The following MYH10 variants were observed in gnomAD, a reference collection of about 807,000 sequenced individuals.
The protein encoded by MYH10 is myosin heavy chain 10.
Under a neutral mutation model 257.8 loss-of-function variants are expected in MYH10, and 55 were observed. The ratio of observed to expected loss-of-function variants is 0.21; its 90% CI spans 0.17 to 0.27. The LOEUF is 0.27. MYH10 is among the 10% of genes least tolerant of loss of function. The pLI, the probability that MYH10 is intolerant of heterozygous loss-of-function variation, is 1.00. For missense variants in MYH10, 1,631 were observed against 2,500.6 expected, an observed-to-expected ratio of 0.65 and a Z score of 7.42; for synonymous variants, 854 against 921.7, an observed-to-expected ratio of 0.93 and a Z score of 1.33.
chr17:8,573,223 T>C (rs980575083), intron 6 of MYH10, among the ~76,000 whole-genome samples: 2 of 152,326 alleles, frequency 1.3e-5, no homozygotes, highest in African/African-American at 4.8e-5. Context: ...TGGTTAAAAA[T>C]ATATACCTCT....
At chr17:8,583,373 A>G (rs2083780334) in intron 4 of MYH10, among the ~76,000 whole-genome samples, 1 of 152,244 alleles carries the variant, frequency 6.6e-6, no homozygotes, top group South Asian at 2.1e-4. Flanking sequence ...GAGTCATTAG[A>G]AAAGCAAATT....
At chr17:8,476,837 A>C (rs1033460239) in intron 42 of MYH10, 39 bp downstream of exon 42, 11 of 1,584,526 alleles carry the variant, frequency 6.9e-6, no homozygotes, top group Non-Finnish European at 4.3e-6. Context: ...TAACCCACAA[A>C]GCAGCTGCCT....
intron 42 of MYH10, 82 bp downstream of exon 42, chr17:8,476,794 C>A: frequency 6.9e-7 from 1 of 1,455,486 alleles, no homozygotes; most frequent in Non-Finnish European, 9.2e-7. Flanking sequence ...TCTAAGTAAA[C>A]TTCCTCTGAC....
intron 4 of MYH10, among the ~76,000 whole-genome samples, chr17:8,580,280 GT>G (rs552734923): frequency 1.6e-4 from 23 of 141,810 alleles, no homozygotes; most frequent in African/African-American, 3.1e-4. Flanking sequence ...AGACGCTGAG[GT>G]TTTTTTTTTA....
chr17:8,609,900 T>C (rs1204702703), intron 2 of MYH10, among the ~76,000 whole-genome samples: 2 of 151,184 alleles, frequency 1.3e-5, no homozygotes, highest in African/African-American at 2.4e-5. Flanking sequence ...AAAAACACTC[T>C]GTAAAAAAAA....
chr17:8,497,608 G>A (rs887910599), intron 30 of MYH10, among the ~76,000 whole-genome samples: 4 of 151,716 alleles, frequency 2.6e-5, no homozygotes, highest in African/African-American at 7.3e-5. Flanking sequence ...GCATGGTGGC[G>A]GGTGCCTGTA....
chr17:8,551,793 C>A (rs2082650961), intron 9 of MYH10, among the ~76,000 whole-genome samples: 1 of 151,998 alleles, frequency 6.6e-6, no homozygotes, highest in Non-Finnish European at 1.5e-5. Flanking sequence ...CATCATTTGT[C>A]TTCTAATTTA....
rs184778007 is a variant in MYH10 at position 8,588,347 on chromosome 17, G to A, written c.530+734C>T. ...CAGCTCCACTTACATGAGCCATAGGGACCTCAAATGCAATGTGTCCTAAAC... is the reference window on the plus strand; with the variant it reads ...CAGCTCCACTTACATGAGCCATAGGAACCTCAAATGCAATGTGTCCTAAAC... On this transcript the variant is annotated intron_variant, in intron 4 of 42. Coordinates refer to ENST00000360416, the MANE Select transcript of MYH10 (RefSeq NM_001256012.3). 3.9e-5 allele frequency among the ~76,000 whole-genome samples: 6 copies of A among 152,196 alleles called. 1 individual carries two copies. In the East Asian group the frequency reaches 9.7e-4, roughly 24 times the overall value.
intron 1 of MYH10, among the ~76,000 whole-genome samples, chr17:8,626,105 C>T (rs1273227739): frequency 6.6e-6 from 1 of 152,154 alleles, no homozygotes; most frequent in Admixed American, 6.5e-5. Context: ...ACATTTTATA[C>T]CTAAACTTGC....
chr17:8,611,590 CA>C (rs1007842555), intron 2 of MYH10, among the ~76,000 whole-genome samples: 1 of 151,684 alleles, frequency 6.6e-6, no homozygotes, highest in Admixed American at 6.6e-5. Flanking sequence ...CAAAACAAAA[CA>C]AAAAAAGAAA....
chr17:8,580,821 G>A (rs1418025044), intron 4 of MYH10, among the ~76,000 whole-genome samples: 1 of 152,142 alleles, frequency 6.6e-6, no homozygotes, highest in African/African-American at 2.4e-5. Context: ...TCCTTGTGGG[G>A]TGCAAGGTTA....
intron 2 of MYH10, among the ~76,000 whole-genome samples, chr17:8,613,895 A>G (rs1395648524): frequency 7.2e-6 from 1 of 139,254 alleles, no homozygotes; most frequent in Non-Finnish European, 1.5e-5. Context: ...ACACTAATCC[A>G]AAAAAAAAAG....
At position 8,568,543 on chromosome 17, in the gene MYH10, C is replaced by A. The variant is rs137954876; in HGVS notation, c.756+1177G>T. Among the ~76,000 whole-genome samples the A allele has an allele frequency of 1.5e-4, 23 of 152,058 alleles. No individual in the cohort carries two copies. In the East Asian group the frequency reaches 4.4e-3, roughly 29 times the overall value. On this transcript the variant is annotated intron_variant, in intron 7 of 42. Transcript: ENST00000360416. ...ATCAATGAACTGCTAGAACTGAGGT[C>A]TCTTACTCTGGCGTTCTTGACTTTT...
At chr17:8,496,717 A>T in intron 30 of MYH10, among the ~76,000 whole-genome samples, 1 of 152,342 alleles carries the variant, frequency 6.6e-6, no homozygotes, top group East Asian at 1.9e-4. Flanking sequence ...CCTACACGTT[A>T]ACACAGCAGG....
In MYH10 at chr17:8,590,873, CTTT is replaced by C. The variant is rs398030291; in HGVS notation, c.503-1768_503-1766del. 4.4e-5 allele frequency among the ~76,000 whole-genome samples: 4 copies of C among 90,102 alleles called. No individual in the cohort carries two copies. In the Admixed American group the frequency reaches 5.4e-4, roughly 12 times the overall value. The allele number at this position is 90,102 out of a possible 152,430, so 59.1% of individuals were successfully genotyped here. On this transcript the variant is annotated intron_variant, in intron 3 of 42. Coordinates refer to ENST00000360416, the MANE Select transcript of MYH10 (RefSeq NM_001256012.3). ...TCTCCCTCAGGTTTCTCAATGTCGCCTTTTTTTTTTTTTTTTTGAGATGGAGTC... is the reference window on the plus strand; with the variant it reads ...TCTCCCTCAGGTTTCTCAATGTCGCCTTTTTTTTTTTTTTGAGATGGAGTC...
chr17:8,561,339 A>AGAATTTCGAATGAC (rs1174106562), intron 7 of MYH10: 1 of 1,168,506 alleles, frequency 8.6e-7, no homozygotes, highest in Non-Finnish European at 1.3e-6. Context: ...AAGGCCATTA[A>AGAATTTCGAATGAC]GAAATTCGTC....
chr17:8,536,815 C>T (rs143592467), intron 14 of MYH10, among the ~76,000 whole-genome samples: 2,340 of 130,690 alleles, frequency 0.018, 36 homozygotes, highest in Non-Finnish European at 0.026. Context: ...AAAAAAAAAG[C>T]GCTAGATGAA....
rs116764879 is a variant in MYH10, at chr17:8,621,870, C to T, written c.345+1032G>A. Among the ~76,000 whole-genome samples the T allele has an allele frequency of 1.8e-3, 269 of 152,330 alleles. 3 individuals are homozygous for T. Among genetic ancestry groups the T allele is most frequent in the African/African-American group, 6.0e-3 (248 of 41,564 alleles). ...CCCGCTGGAGAAAGCCATTCTCCTA[C>T]TTACTCTCTCCATAGCCTTGTTTCA... On this transcript the variant is annotated intron_variant, in intron 2 of 42. Transcript: ENST00000360416.
At chr17:8,540,343 TTTAA>T (rs1483672966) in intron 14 of MYH10, among the ~76,000 whole-genome samples, 1 of 152,144 alleles carries the variant, frequency 6.6e-6, no homozygotes, top group Non-Finnish European at 1.5e-5. Flanking sequence ...GGTTGAAATG[TTTAA>T]TTACTTTACC....
Sources: allele counts gnomAD v4.1 joint callset (sites outside exome capture counted in the v4.1 genomes callset), GRCh38; gene constraint gnomAD v4.1.1; transcripts MANE v1.5; gene names NCBI Gene and HGNC (gene_info 2026-07-23, HGNC 2026-07-21).